SPRR2G: variants seen among roughly 807,000 people sequenced by gnomAD.
SPRR2G encodes small proline-rich protein 2G.
SPRR2G carries 1 observed loss-of-function variant against 0.7 expected under a neutral mutation model. That is an observed-to-expected ratio of 1.49 (90% CI 0.53 to 7.06). SPRR2G has a LOEUF of 7.06. SPRR2G is among the 30% of genes most tolerant of loss of function. The pLI is 0.14. For synonymous variants in SPRR2G, 38 were observed against 33.9 expected, an observed-to-expected ratio of 1.12 and a Z score of -0.42; for missense variants, 96 against 88.5, an observed-to-expected ratio of 1.09 and a Z score of -0.34.
the SPRR2G span, among the ~76,000 whole-genome samples, chr1:153,201,632 C>G: frequency 2.6e-5 from 4 of 152,204 alleles, no homozygotes; most frequent in African/African-American, 9.7e-5. Context: ...GACTATGACT[C>G]TATCGCCAAT....
chr1:153,192,070 G>T, the SPRR2G span, among the ~76,000 whole-genome samples: 1 of 152,200 alleles, frequency 6.6e-6, no homozygotes, highest in African/African-American at 2.4e-5. Flanking sequence ...GTTGTCTCCT[G>T]CAGCAGTGGG....
At chr1:153,199,606 T>A in the SPRR2G span, among the ~76,000 whole-genome samples, 4 of 152,172 alleles carry the variant, frequency 2.6e-5, no homozygotes, top group Non-Finnish European at 5.9e-5. Context: ...TAGTAGCTAA[T>A]AGAGAAGATA....
At chr1:153,162,624 C>CAG in the SPRR2G span, among the ~76,000 whole-genome samples, 74,555 of 151,604 alleles carry the variant, frequency 0.49, 19,066 homozygotes, top group East Asian at 0.64. Flanking sequence ...GCTTGGTGAC[C>CAG]AGAGAGAAAG....
chr1:153,165,746 T>C, the SPRR2G span, among the ~76,000 whole-genome samples: 2 of 152,224 alleles, frequency 1.3e-5, no homozygotes, highest in South Asian at 4.1e-4. Flanking sequence ...AGTGTGGCTT[T>C]GGAGGGAAAT....
the SPRR2G span, among the ~76,000 whole-genome samples, chr1:153,197,873 A>G: frequency 6.6e-6 from 1 of 152,230 alleles, no homozygotes; most frequent in Non-Finnish European, 1.5e-5. Context: ...ATATTATTCC[A>G]TCTCCTTATT....
the SPRR2G span, among the ~76,000 whole-genome samples, chr1:153,179,377 T>C: frequency 1.3e-5 from 2 of 152,142 alleles, no homozygotes; most frequent in African/African-American, 4.8e-5. Flanking sequence ...CAAGTTTTCA[T>C]TTATGTGTTA....
the SPRR2G span, among the ~76,000 whole-genome samples, chr1:153,189,792 G>A: frequency 6.6e-6 from 1 of 152,146 alleles, no homozygotes. Flanking sequence ...AAGGTGGGAT[G>A]AGTAAGGAGA....
At chr1:153,160,874 A>G in the SPRR2G span, among the ~76,000 whole-genome samples, 1 of 151,324 alleles carries the variant, frequency 6.6e-6, no homozygotes, top group African/African-American at 2.5e-5. Flanking sequence ...GGATTAAGAA[A>G]ATGTGGCACA....
In SPRR2G at chr1:153,150,142, C is replaced by T. The variant is rs776980177; in HGVS notation, c.-21-11G>A. The T allele has an allele frequency of 5.0e-6, 8 of 1,610,400 alleles. No individual in the cohort carries two copies. The South Asian group carries it at 5.5e-5, about 11-fold the overall frequency. ...TCAGTCTCAGAGAATCTGAAAGATA[C>T]ATACGAAACAGTGCTCATAAGAGAG... On this transcript the variant is annotated splice_polypyrimidine_tract_variant and intron_variant, in intron 1 of 1. Transcript: ENST00000368748.
chr1:153,201,484 C>T, the SPRR2G span, among the ~76,000 whole-genome samples: 2 of 152,168 alleles, frequency 1.3e-5, no homozygotes, highest in African/African-American at 4.8e-5. Flanking sequence ...AGCTTTGGTC[C>T]AGAGCTGAAC....
At chr1:153,181,236 TTTTG>T in the SPRR2G span, among the ~76,000 whole-genome samples, 7 of 152,170 alleles carry the variant, frequency 4.6e-5, no homozygotes, top group Admixed American at 1.3e-4. Flanking sequence ...GAGTTTAGAA[TTTTG>T]TTTGTTTGTT....
chr1:153,193,811 C>T, the SPRR2G span, among the ~76,000 whole-genome samples: 2 of 152,096 alleles, frequency 1.3e-5, no homozygotes, highest in African/African-American at 4.8e-5. Flanking sequence ...CCCTTTCTCT[C>T]ACTCCCACAT....
At chr1:153,194,200 T>C in the SPRR2G span, among the ~76,000 whole-genome samples, 1 of 151,958 alleles carries the variant, frequency 6.6e-6, no homozygotes, top group South Asian at 2.1e-4. Context: ...AGAGATCAGA[T>C]TTTAAAGTAA....
At chr1:153,182,282 T>C in the SPRR2G span, among the ~76,000 whole-genome samples, 22 of 151,108 alleles carry the variant, frequency 1.5e-4, no homozygotes, top group Middle Eastern at 3.4e-3. Flanking sequence ...TTTGCTGTTG[T>C]TTGAGTTCCT....
In SPRR2G at chr1:153,149,777, G is replaced by T; in HGVS notation, c.*112C>A. The T allele has an allele frequency of 7.4e-7, 1 of 1,354,696 alleles. No individual in the cohort carries two copies. Among genetic ancestry groups the T allele is most frequent in the Non-Finnish European group, 1.0e-6 (1 of 961,726 alleles). 83.9% of individuals were successfully genotyped at this position (1,354,696 alleles called of 1,614,324 possible). On this transcript the variant is annotated 3_prime_UTR_variant, in exon 2 of 2. Coordinates refer to ENST00000368748, the MANE Select transcript of SPRR2G (RefSeq NM_001014291.4). ...CTGTCAACGCTCAAGCCAGACAGAGGTTAGGGAAGATGCAGCCTCCCACTA... is the reference window on the plus strand; with the variant it reads ...CTGTCAACGCTCAAGCCAGACAGAGTTTAGGGAAGATGCAGCCTCCCACTA...
At chr1:153,152,479 A>G (rs1479123359), upstream of SPRR2G, among the ~76,000 whole-genome samples, 1 of 152,202 alleles carries the variant, frequency 6.6e-6, no homozygotes, top group Admixed American at 6.5e-5. Context: ...AGAAACAAAA[A>G]AAACTGAGGA....
the SPRR2G span, among the ~76,000 whole-genome samples, chr1:153,201,466 A>G: frequency 6.6e-6 from 1 of 152,216 alleles, no homozygotes. Flanking sequence ...CTCCATATCT[A>G]GATTGGTAGC....
At chr1:153,172,354 C>T in the SPRR2G span, among the ~76,000 whole-genome samples, 2 of 152,130 alleles carry the variant, frequency 1.3e-5, no homozygotes, top group Admixed American at 6.6e-5. Context: ...TGGTCTCATG[C>T]GGTTGACTTT....
chr1:153,182,409 A>G, the SPRR2G span, among the ~76,000 whole-genome samples: 6 of 151,982 alleles, frequency 3.9e-5, no homozygotes, highest in African/African-American at 1.4e-4. Flanking sequence ...TCTGAGATAC[A>G]TCTGCAGAAC....
Sources: allele counts gnomAD v4.1 joint callset (sites outside exome capture counted in the v4.1 genomes callset), GRCh38; gene constraint gnomAD v4.1.1; transcripts MANE v1.5; gene names NCBI Gene and HGNC (gene_info 2026-07-23, HGNC 2026-07-21).